The following FSTL5 variants were observed in gnomAD, a reference collection of about 807,000 sequenced individuals.
The protein encoded by FSTL5 is follistatin like 5, also known as follistatin-related protein 5.
Under a neutral mutation model 89.1 loss-of-function variants are expected in FSTL5, and 62 were observed. The observed-to-expected ratio is 0.70, with a 90% confidence interval of 0.57 to 0.86. The LOEUF (loss-of-function observed/expected upper bound fraction) is 0.86, where lower values mean the gene tolerates loss of function less well. FSTL5 is among the 40% of genes least tolerant of loss of function. The pLI is 0.00. For missense variants in FSTL5, 1,057 were observed against 1,001.6 expected, an observed-to-expected ratio of 1.06 and a Z score of -0.75; for synonymous variants, 383 against 346.2, an observed-to-expected ratio of 1.11 and a Z score of -1.18.
intron 2 of FSTL5, among the ~76,000 whole-genome samples, chr4:162,069,506 A>C (rs765165196): frequency 1.9e-4 from 29 of 151,786 alleles, no homozygotes; most frequent in Admixed American, 4.0e-4. Context: ...TTTAGCTGTA[A>C]TTTTTGGTTT....
intron 10 of FSTL5, among the ~76,000 whole-genome samples, chr4:161,516,125 CTT>C (rs982518595): frequency 2.0e-5 from 3 of 148,158 alleles, no homozygotes; most frequent in Middle Eastern, 3.3e-3. Context: ...ATATTATATT[CTT>C]ATATATATAT....
intron 5 of FSTL5, among the ~76,000 whole-genome samples, chr4:161,764,375 C>A (rs181538221): frequency 1.3e-4 from 20 of 152,216 alleles, no homozygotes; most frequent in African/African-American, 4.8e-4. Context: ...TCTCCTGCCT[C>A]AGCCACCCGA....
chr4:161,470,793 T>G (rs986449820), intron 13 of FSTL5, among the ~76,000 whole-genome samples: 1 of 152,208 alleles, frequency 6.6e-6, no homozygotes, highest in Non-Finnish European at 1.5e-5. Flanking sequence ...ATTTCCCTTG[T>G]ATGTCTTTCA....
At chr4:162,151,370 C>T (rs12331710) in intron 1 of FSTL5, among the ~76,000 whole-genome samples, 236 of 142,408 alleles carry the variant, frequency 1.7e-3, no homozygotes, top group African/African-American at 5.6e-3. Flanking sequence ...TAACTCAAAA[C>T]ATTACTGTCT....
intron 3 of FSTL5, among the ~76,000 whole-genome samples, chr4:161,983,095 A>T (rs1298680341): frequency 6.6e-6 from 1 of 152,206 alleles, no homozygotes; most frequent in Non-Finnish European, 1.5e-5. Context: ...CATTGCACTG[A>T]CAAACCAGGA....
In FSTL5 at chr4:161,542,678, C is replaced by T. The variant is rs369271416; in HGVS notation, c.1031G>A (p.Arg344Gln). The T allele has an allele frequency of 2.2e-5, 32 of 1,474,748 alleles. No individual in the cohort carries two copies. Among genetic ancestry groups the T allele is most frequent in the African/African-American group, 1.0e-4 (7 of 70,050 alleles). 91.4% of individuals were successfully genotyped at this position (1,474,748 alleles called of 1,614,324 possible). Residue 344 changes from arginine to glutamine, a missense_variant, in exon 9 of 16, where the codon CGG becomes CAG. Physicochemically the swap from Arg to Gln is conservative, Grantham distance 43. Coordinates refer to ENST00000306100, the MANE Select transcript of FSTL5 (RefSeq NM_020116.5). Reference protein sequence around the residue: ...IFQVNVPPVIRVYPESQAREP... With the variant: ...IFQVNVPPVIQVYPESQAREP... ...TCTAGCCTGACTCTCTGGATACACC[C>T]GGATGACTGGAGGAACTAAAGGAAA...
At chr4:161,911,106 T>C (rs1039351499) in intron 4 of FSTL5, among the ~76,000 whole-genome samples, 4 of 152,188 alleles carry the variant, frequency 2.6e-5, no homozygotes, top group Non-Finnish European at 5.9e-5. Context: ...TACCACTTTG[T>C]ATATTACATC....
chr4:162,051,168 C>A (rs1738368220), intron 2 of FSTL5, among the ~76,000 whole-genome samples: 1 of 151,210 alleles, frequency 6.6e-6, no homozygotes, highest in African/African-American at 2.4e-5. Flanking sequence ...ATACTAAAAT[C>A]TCAGATAAAA....
At chr4:161,799,105 G>T (rs1386398280) in intron 4 of FSTL5, among the ~76,000 whole-genome samples, 3 of 151,756 alleles carry the variant, frequency 2.0e-5, no homozygotes, top group African/African-American at 7.2e-5. Context: ...CATACTAGTA[G>T]TGAAAGTGTG....
intron 1 of FSTL5, among the ~76,000 whole-genome samples, chr4:162,146,714 C>G (rs1488790960): frequency 7.3e-6 from 1 of 137,612 alleles, no homozygotes; most frequent in Non-Finnish European, 1.6e-5. Flanking sequence ...CCTTCCCCTT[C>G]CCCTTCCCCT....
At chr4:162,069,007 C>A (rs969436669) in intron 2 of FSTL5, among the ~76,000 whole-genome samples, 7 of 151,972 alleles carry the variant, frequency 4.6e-5, no homozygotes, top group Non-Finnish European at 7.4e-5. Flanking sequence ...TCATCTCACA[C>A]CACTCAGAAT....
chr4:161,929,685 G>GTGTATA (rs1553983473), intron 3 of FSTL5, among the ~76,000 whole-genome samples: 3,495 of 149,174 alleles, frequency 0.023, 65 homozygotes, highest in South Asian at 0.05. Flanking sequence ...GTGTGTGTGT[G>GTGTATA]TGTGTGTGTG....
intron 4 of FSTL5, among the ~76,000 whole-genome samples, chr4:161,832,536 T>C (rs1730881649): frequency 6.6e-6 from 1 of 152,184 alleles, no homozygotes; most frequent in Non-Finnish European, 1.5e-5. Context: ...GGTAAGCTAT[T>C]GATTATTGCC....
At chr4:161,635,130 T>G (rs929670249) in intron 7 of FSTL5, among the ~76,000 whole-genome samples, 22 of 152,158 alleles carry the variant, frequency 1.4e-4, no homozygotes, top group African/African-American at 5.3e-4. Context: ...GGCTCACCCC[T>G]GTAATCCCAG....
intron 4 of FSTL5, among the ~76,000 whole-genome samples, chr4:161,785,757 G>A (rs1741881944): frequency 6.6e-6 from 1 of 152,088 alleles, no homozygotes; most frequent in Non-Finnish European, 1.5e-5. Context: ...TGAGGTTCAG[G>A]TTAATTTTTT....
At chr4:162,160,492 TA>T (rs1733652236) in intron 1 of FSTL5, among the ~76,000 whole-genome samples, 1 of 106,376 alleles carries the variant, frequency 9.4e-6, no homozygotes, top group African/African-American at 3.2e-5. Flanking sequence ...CAACAGGAAA[TA>T]TTTTTTTCTA....
chr4:161,587,049 C>A (rs1560966994), intron 8 of FSTL5, among the ~76,000 whole-genome samples: 1 of 152,048 alleles, frequency 6.6e-6, no homozygotes, highest in Admixed American at 6.6e-5. Context: ...ATTAAATTAA[C>A]CATCAAGAGT....
intron 1 of FSTL5, among the ~76,000 whole-genome samples, chr4:162,132,696 TGAA>T (rs1049261688): frequency 1.6e-4 from 24 of 152,162 alleles, no homozygotes; most frequent in African/African-American, 3.1e-4. Context: ...CTTCAGAACA[TGAA>T]GAAGAAGCTG....
At chr4:161,977,103 A>T (rs1009877045) in intron 3 of FSTL5, among the ~76,000 whole-genome samples, 3 of 152,184 alleles carry the variant, frequency 2.0e-5, no homozygotes, top group Non-Finnish European at 4.4e-5. Context: ...AAGAAATTAC[A>T]TTCCTTGAGA....
Sources: gnomAD v4.1 joint callset for allele counts (sites outside exome capture counted in the v4.1 genomes callset) on GRCh38, gnomAD v4.1.1 for gene constraint, MANE v1.5 for transcripts, NCBI Gene and HGNC (gene_info 2026-07-23, HGNC 2026-07-21) for gene names.